CDK15: variants seen among roughly 807,000 people sequenced by gnomAD.
CDK15 encodes cyclin dependent kinase 15, also known as cyclin-dependent kinase 15.
In CDK15, 62 loss-of-function variants were observed where a neutral mutation model predicts 60.3. That is an observed-to-expected ratio of 1.03 (90% confidence interval 0.84 to 1.27). The LOEUF is 1.27. Ranked by LOEUF, CDK15 falls within the 50% of genes most tolerant of loss-of-function variation. CDK15 has a pLI of 0.00. For synonymous variants in CDK15, 194 were observed against 195.7 expected (o/e 0.99, Z 0.07); for missense variants, 541 against 527.8 (o/e 1.03, Z -0.25).
intron 11 of CDK15, chr2:201,876,506 C>T (rs1334434427): frequency 4.1e-5 from 45 of 1,089,354 alleles, no homozygotes; most frequent in Non-Finnish European, 5.3e-5. Context: ...GGGAGACCGA[C>T]ACACACTTGG....
At position 201,882,312 on chromosome 2, in the gene CDK15, G is replaced by A. The variant is rs889855456; in HGVS notation, c.1198+2145G>A. Among the ~76,000 whole-genome samples, 1 of 152,126 alleles carries A rather than the reference G, an allele frequency of 6.6e-6. No homozygotes were observed. Among genetic ancestry groups the A allele is most frequent in the African/African-American group, 2.4e-5 (1 of 41,434 alleles). Reference sequence around the variant, plus strand: ...GACACTTTTAGAAAAATGAAAAGATGGAATCTTGTAGGAGGCTGCCTGCAC... The same window carrying A: ...GACACTTTTAGAAAAATGAAAAGATAGAATCTTGTAGGAGGCTGCCTGCAC... On this transcript the variant is annotated intron_variant, in intron 12 of 13. Coordinates refer to ENST00000652192, the MANE Select transcript of CDK15 (RefSeq NM_001366386.2). This position sits in a 1 kb window ranked among gnomAD's most constrained non-coding sequence, Gnocchi z 4.0.
At chr2:201,821,796 G>A (rs1033323682) in intron 4 of CDK15, among the ~76,000 whole-genome samples, 16 of 151,884 alleles carry the variant, frequency 1.1e-4, no homozygotes, top group Non-Finnish European at 1.9e-4. Flanking sequence ...TCAGCTTCCC[G>A]AGTGGCTGGG....
intron 8 of CDK15, among the ~76,000 whole-genome samples, chr2:201,836,934 T>C (rs774932738): frequency 5.9e-5 from 9 of 152,064 alleles, no homozygotes; most frequent in Non-Finnish European, 1.3e-4. Flanking sequence ...TGTTTCTCCA[T>C]TTTTAAAAAT....
chr2:201,871,403 C>T (rs1698846611), intron 10 of CDK15, among the ~76,000 whole-genome samples: 1 of 151,872 alleles, frequency 6.6e-6, no homozygotes. Context: ...CCAGCCTGAG[C>T]CTCCCAAAGT....
rs905318092 is a variant in CDK15, at chr2:201,882,088, C to T, written c.1198+1921C>T. ...GTCCAAACTGATGTGTTGTTAGAAACTTGGGTTTTGATTTTTCCTGGCTGA... is the reference window on the plus strand; with the variant it reads ...GTCCAAACTGATGTGTTGTTAGAAATTTGGGTTTTGATTTTTCCTGGCTGA... On this transcript the variant is annotated intron_variant, in intron 12 of 13. Transcript: ENST00000652192. The surrounding 1 kb of genome is among the most constrained non-coding windows in gnomAD (Gnocchi z 4.0). Among the ~76,000 whole-genome samples, 1 of 152,126 alleles carries T rather than the reference C, an allele frequency of 6.6e-6. No homozygotes were observed. The highest frequency in any genetic ancestry group is 2.4e-5 in the African/African-American group (1 of 41,410).
chr2:201,830,759 T>C (rs1210734724), intron 6 of CDK15, among the ~76,000 whole-genome samples: 2 of 152,212 alleles, frequency 1.3e-5, no homozygotes, highest in Non-Finnish European at 2.9e-5. Flanking sequence ...CTGGATGGCA[T>C]TAAAATCCAA....
chr2:201,811,464 A>G (rs1374556851), intron 3 of CDK15, among the ~76,000 whole-genome samples: 1 of 152,182 alleles, frequency 6.6e-6, no homozygotes, highest in Non-Finnish European at 1.5e-5. Flanking sequence ...GAAATGTTAA[A>G]TCTTTATTAA....
At chr2:201,807,343 G>A (rs1695555113) in intron 1 of CDK15, 151 bp from the exon 2 acceptor site, 1 of 687,098 alleles carries the variant, frequency 1.5e-6, no homozygotes, top group South Asian at 2.2e-5. Flanking sequence ...CTTTTTCAGG[G>A]ATCTTTCAAG....
At chr2:201,837,106 T>C (rs916440332) in intron 8 of CDK15, among the ~76,000 whole-genome samples, 7 of 151,890 alleles carry the variant, frequency 4.6e-5, no homozygotes, top group African/African-American at 1.7e-4. Flanking sequence ...AAGATCAGCC[T>C]GGGTAGCACA....
chr2:201,859,101 G>C (rs2105795324), intron 10 of CDK15, among the ~76,000 whole-genome samples: 1 of 152,290 alleles, frequency 6.6e-6, no homozygotes, highest in Non-Finnish European at 1.5e-5. Context: ...TCCTGCAGTG[G>C]GGGAGGGGAG....
At chr2:201,884,908 T>C (rs1255556565) in intron 12 of CDK15, among the ~76,000 whole-genome samples, 2 of 152,176 alleles carry the variant, frequency 1.3e-5, no homozygotes, top group Non-Finnish European at 2.9e-5. Flanking sequence ...ATAAGACAAG[T>C]ATATAAACAG....
intron 4 of CDK15, among the ~76,000 whole-genome samples, chr2:201,821,193 C>T (rs1407442769): frequency 1.3e-5 from 2 of 152,118 alleles, no homozygotes; most frequent in Non-Finnish European, 2.9e-5. Flanking sequence ...TTTCTAATGG[C>T]ACCAGCAAAA....
intron 12 of CDK15, among the ~76,000 whole-genome samples, chr2:201,885,175 G>A (rs1398629470): frequency 3.9e-5 from 6 of 152,100 alleles, no homozygotes; most frequent in African/African-American, 9.7e-5. Flanking sequence ...TCTTACCATC[G>A]TATGCCTTTT....
At chr2:201,813,491 A>C (rs114821528) in intron 4 of CDK15, among the ~76,000 whole-genome samples, 1 of 152,290 alleles carries the variant, frequency 6.6e-6, no homozygotes, top group Non-Finnish European at 1.5e-5. Context: ...ACTTTTAACT[A>C]CTTATCTTCT....
chr2:201,807,402 G>A, intron 1 of CDK15, 92 bp from the exon 2 acceptor site: 10 of 1,345,788 alleles, frequency 7.4e-6, no homozygotes, highest in Non-Finnish European at 1.0e-5. Flanking sequence ...TTTGAAGAGT[G>A]AAAATGAGGC....
At position 201,835,632 on chromosome 2, in the gene CDK15, C is replaced by T; in HGVS notation, c.731-11C>T. 6.2e-7 allele frequency: 1 copy of T among 1,600,630 alleles called. No homozygotes were observed. The highest frequency in any genetic ancestry group is 1.9e-4 in the Middle Eastern group (1 of 5,178). ...AGAACGATGGGTTTTATGCTTTTCC[C>T]TTTTGGACAGGTCTTGCCCGGGCCA... On this transcript the variant is annotated splice_polypyrimidine_tract_variant and intron_variant, in intron 7 of 13. Coordinates refer to ENST00000652192, the MANE Select transcript of CDK15 (RefSeq NM_001366386.2).
chr2:201,863,080 C>T (rs935540238), intron 10 of CDK15, among the ~76,000 whole-genome samples: 6 of 152,186 alleles, frequency 3.9e-5, no homozygotes, highest in Non-Finnish European at 7.3e-5. Flanking sequence ...ACTTCTGGAG[C>T]GCTGCTGAAA....
intron 8 of CDK15, among the ~76,000 whole-genome samples, chr2:201,845,751 G>A (rs910027284): frequency 8.0e-5 from 12 of 150,334 alleles, no homozygotes; most frequent in Admixed American, 2.0e-4. Context: ...CTTAAATTTC[G>A]TTCTTTATCA....
At chr2:201,881,425 G>A (rs1213137715) in intron 12 of CDK15, among the ~76,000 whole-genome samples, 1 of 152,170 alleles carries the variant, frequency 6.6e-6, no homozygotes, top group African/African-American at 2.4e-5. Flanking sequence ...AGGAAAACAA[G>A]AGACTTGTCC....
Sources: allele counts gnomAD v4.1 joint callset (sites outside exome capture counted in the v4.1 genomes callset), GRCh38; gene constraint gnomAD v4.1.1; non-coding constraint Gnocchi (gnomAD v3.1); transcripts MANE v1.5; gene names NCBI Gene and HGNC (gene_info 2026-07-23, HGNC 2026-07-21).